Variants in SBNO2 observed in about 807,000 individuals in gnomAD.
SBNO2 encodes the protein strawberry notch homolog 2.
Under a neutral mutation model 146.3 loss-of-function variants are expected in SBNO2, and 89 were observed. The observed-to-expected ratio is 0.61, with a 90% confidence interval of 0.51 to 0.73. SBNO2 has a LOEUF of 0.73. Among genes scored for constraint, SBNO2 ranks in the 30% least tolerant of loss-of-function variants. SBNO2 has a pLI of 0.00. For missense variants in SBNO2, 2,092 were observed against 2,003.7 expected (o/e 1.04, Z -0.84); for synonymous variants, 1,147 against 892.6 (o/e 1.29, Z -5.08).
At chr19:1,166,544 G>C (rs987064241) in intron 1 of SBNO2, among the ~76,000 whole-genome samples, 10 of 152,052 alleles carry the variant, frequency 6.6e-5, no homozygotes, top group African/African-American at 2.2e-4. Flanking sequence ...TGTAATCCCA[G>C]TGCTGGGAGG....
chr19:1,117,255 G>A (rs2079843666), intron 15 of SBNO2, 68 bp downstream of exon 15: 8 of 1,449,018 alleles, frequency 5.5e-6, no homozygotes, highest in East Asian at 2.5e-5. Flanking sequence ...GGAAGGACCT[G>A]GAAGAAGAGC....
chr19:1,172,387 C>T (rs1159210514), intron 1 of SBNO2, among the ~76,000 whole-genome samples: 2 of 152,186 alleles, frequency 1.3e-5, no homozygotes, highest in South Asian at 2.1e-4. Context: ...CATCACCCCA[C>T]GACCAGGGTC....
chr19:1,158,257 AC>A lies in SBNO2; in HGVS notation c.-126-3856del, dbSNP rs2080311024. Among the ~76,000 whole-genome samples the A allele has an allele frequency of 6.6e-6, 1 of 151,312 alleles. No homozygotes were observed. The highest frequency in any genetic ancestry group is 2.4e-5 in the African/African-American group (1 of 41,084). ...GCCCCTTCGCGCGCTCCGCCCTCAG[AC>A]CCGAGCCGTCTGCAGATGGGGAGCT... On this transcript the variant is annotated intron_variant, in intron 1 of 31. Transcript: ENST00000361757. The surrounding 1 kb of genome is among the most constrained non-coding windows in gnomAD (Gnocchi z 9.9).
intron 1 of SBNO2, chr19:1,155,063 G>C (rs1194240401): frequency 6.6e-6 from 1 of 152,102 alleles, no homozygotes; most frequent in African/African-American, 2.4e-5. Context: ...CGCCCGCCAG[G>C]CTGAGCCCCC....
chr19:1,129,906 G>A (rs1386278367), intron 4 of SBNO2, among the ~76,000 whole-genome samples: 2 of 152,120 alleles, frequency 1.3e-5, no homozygotes, highest in African/African-American at 4.8e-5. Flanking sequence ...CCTGCCCCAC[G>A]CCCTCACCAG....
In SBNO2 at chr19:1,159,122, C is replaced by T. The variant is rs549710960; in HGVS notation, c.-126-4720G>A. ...AGCTATGACCACCGCACACTGGCCT[C>T]CAGATGGGCTCAAGACAGGGCAATC... On this transcript the variant is annotated intron_variant, in intron 1 of 31. Coordinates refer to ENST00000361757, the MANE Select transcript of SBNO2 (RefSeq NM_014963.3). 2.0e-5 allele frequency among the ~76,000 whole-genome samples: 3 copies of T among 149,624 alleles called. No homozygotes were observed. In the South Asian group the frequency reaches 6.2e-4, roughly 31 times the overall value.
rs370174350 is a variant in SBNO2, at chr19:1,160,624, G to A, written c.-126-6222C>T. ...GGCTCACTGCAGCCTTCGCCTCCTGGGTTCCAGTGATTTTTGTGCCTCAGC... is the reference window on the plus strand; with the variant it reads ...GGCTCACTGCAGCCTTCGCCTCCTGAGTTCCAGTGATTTTTGTGCCTCAGC... On this transcript the variant is annotated intron_variant, in intron 1 of 31. Transcript: ENST00000361757. Among the ~76,000 whole-genome samples the A allele has an allele frequency of 3.3e-5, 5 of 152,250 alleles. 1 individual carries two copies. The East Asian group carries it at 7.7e-4, about 24-fold the overall frequency.
chr19:1,156,493 T>C (rs1009999875), intron 1 of SBNO2, among the ~76,000 whole-genome samples: 1 of 152,048 alleles, frequency 6.6e-6, no homozygotes, highest in Non-Finnish European at 1.5e-5. Flanking sequence ...CTCAAGAGGC[T>C]AACGCTGGAG....
At chr19:1,146,972 T>C (rs1187542277) in intron 4 of SBNO2, among the ~76,000 whole-genome samples, 4 of 152,122 alleles carry the variant, frequency 2.6e-5, no homozygotes, top group Non-Finnish European at 5.9e-5. Flanking sequence ...TGGACCCGCC[T>C]AGAGGGAGGG....
chr19:1,119,603 T>G lies in SBNO2; in HGVS notation c.1286A>C (p.Asn429Thr). Residue 429 changes from asparagine to threonine, a missense_variant, in exon 13 of 32, where the codon AAC becomes ACC. Asn to Thr is a moderately conservative substitution (Grantham distance 65). Transcript: ENST00000361757. ...ACCCAAGCGGCTCATGTAGATCATG[T>G]TCCGAGGCTCAGAGGCACCTGTGGG... The part of the protein sequence containing the change: ...ASATGASEPR[N>T]MIYMSRLGIW... 6.2e-7 allele frequency: 1 copy of G among 1,609,588 alleles called. No homozygotes were observed. Among genetic ancestry groups the G allele is most frequent in the Non-Finnish European group, 8.5e-7 (1 of 1,178,266 alleles).
intron 3 of SBNO2, among the ~76,000 whole-genome samples, chr19:1,147,977 C>T (rs1014474022): frequency 6.6e-6 from 1 of 151,972 alleles, no homozygotes; most frequent in African/African-American, 2.4e-5. Flanking sequence ...TCCAGATGAT[C>T]CCAGGAGTAA....
intron 1 of SBNO2, among the ~76,000 whole-genome samples, chr19:1,160,978 G>T (rs1421572293): frequency 1.3e-5 from 2 of 149,964 alleles, no homozygotes; most frequent in South Asian, 2.2e-4. Context: ...AGGACGGAAA[G>T]AAAGGGTGGA....
intron 5 of SBNO2, among the ~76,000 whole-genome samples, chr19:1,127,368 C>G (rs934456962): frequency 5.3e-5 from 8 of 152,224 alleles, no homozygotes; most frequent in Non-Finnish European, 1.0e-4. Context: ...ATGCCAGGAG[C>G]ACCGCCCAGA....
Position 1,108,381 on chromosome 19 carries a change from C to G in SBNO2, c.3940G>C (p.Glu1314Gln). The G allele has an allele frequency of 1.6e-6, 2 of 1,289,018 alleles. No individual in the cohort carries two copies. Among genetic ancestry groups the G allele is most frequent in the Non-Finnish European group, 2.0e-6 (2 of 1,012,070 alleles). 79.8% of individuals were successfully genotyped at this position (1,289,018 alleles called of 1,614,324 possible). A position where few individuals can be genotyped will look rare whatever the true frequency, so the allele number is the denominator to read the frequency against. ...AHQGCDINFK[E>Q]VLEDMLRSLH... The stretch of plus-strand genomic sequence containing the variant: ...GAGCGCAGCATGTCCTCCAGCACCT[C>G]CTTGAAGTTGATGTCGCAGCCCTGG... The change falls in exon 32 of 32, where the codon GAG (glutamate) becomes CAG (glutamine). Residue 1314 changes from glutamate to glutamine, a missense_variant. By Grantham distance (29) the Glu-to-Gln change is conservative. Coordinates refer to ENST00000361757, the MANE Select transcript of SBNO2 (RefSeq NM_014963.3).
At chr19:1,118,371 C>G (rs1220834438) in intron 14 of SBNO2, among the ~76,000 whole-genome samples, 1 of 151,910 alleles carries the variant, frequency 6.6e-6, no homozygotes, top group East Asian at 1.9e-4. Context: ...ATCGAACATA[C>G]AGGGCTGTTG....
At chr19:1,124,207 T>A in intron 5 of SBNO2, 185 bp from the exon 6 acceptor site, 1 of 633,094 alleles carries the variant, frequency 1.6e-6, no homozygotes, top group Non-Finnish European at 2.8e-6. Context: ...CTCCCAAGCC[T>A]CCCCAGTGGG....
At chr19:1,138,309 C>T (rs77295779) in intron 4 of SBNO2, among the ~76,000 whole-genome samples, 4,092 of 149,436 alleles carry the variant, frequency 0.027, 94 homozygotes, top group Non-Finnish European at 0.039. Flanking sequence ...GGTGGGGCCG[C>T]GAGGCTGGGC....
At chr19:1,127,545 C>T (rs751587430) in intron 5 of SBNO2, 59 bp downstream of exon 5, 87 of 1,545,780 alleles carry the variant, frequency 5.6e-5, no homozygotes, top group East Asian at 5.0e-4. Flanking sequence ...GTGTGGGTCC[C>T]GGGCTGGGGA....
At chr19:1,142,727 C>G (rs1293602440) in intron 4 of SBNO2, among the ~76,000 whole-genome samples, 1 of 151,964 alleles carries the variant, frequency 6.6e-6, no homozygotes, top group East Asian at 1.9e-4. Flanking sequence ...AATCCCAGCA[C>G]TTTGGGAGAC....
Sources: allele counts gnomAD v4.1 joint callset (sites outside exome capture counted in the v4.1 genomes callset), GRCh38; gene constraint gnomAD v4.1.1; non-coding constraint Gnocchi (gnomAD v3.1); transcripts MANE v1.5; gene names NCBI Gene and HGNC (gene_info 2026-07-23, HGNC 2026-07-21).